Variants in RPS9 observed in about 807,000 individuals in gnomAD.
RPS9 encodes ribosomal protein S9.
RPS9 carries 1 observed loss-of-function variant against 16.9 expected under a neutral mutation model. The ratio of observed to expected loss-of-function variants is 0.06; its 90% CI spans 0.02 to 0.28. The LOEUF (loss-of-function observed/expected upper bound fraction) is 0.28, where lower values mean the gene tolerates loss of function less well. Among genes scored for constraint, RPS9 ranks in the 10% least tolerant of loss-of-function variants. The pLI is 1.00. For synonymous variants in RPS9, 106 were observed against 110.9 expected, an observed-to-expected ratio of 0.96 and a Z score of 0.28; for missense variants, 137 against 273.2, an observed-to-expected ratio of 0.50 and a Z score of 3.51.
chr19:54,205,495 T>A (rs184890229), intron 3 of RPS9, among the ~76,000 whole-genome samples: 85 of 152,150 alleles, frequency 5.6e-4, no homozygotes, highest in Middle Eastern at 6.8e-3. Context: ...AAATTACTTT[T>A]CTCTCCTTAA....
Position 54,202,920 on chromosome 19 carries a change from A to C in RPS9, c.220+1311A>C, listed in dbSNP as rs1008350102. ...GCAGTGTTGACCAGGATGGTTTCCA[A>C]CTCCTAACCTCAAGTGATCCATCCA... On this transcript the variant is annotated intron_variant, in intron 3 of 4. Transcript: ENST00000302907. 1.3e-5 allele frequency: 13 copies of C among 977,974 alleles called. No homozygotes were observed. In the African/African-American group the frequency reaches 2.1e-4, roughly 16 times the overall value. The allele number at this position is 977,974 out of a possible 1,614,324, so 60.6% of individuals were successfully genotyped here.
chr19:54,202,277 C>CAG, intron 3 of RPS9: 1 of 254,536 alleles, frequency 3.9e-6, no homozygotes, highest in Non-Finnish European at 6.2e-6. Flanking sequence ...ACTCCGCCTC[C>CAG]AGAGTTCAAG....
In RPS9 at chr19:54,200,893, G is replaced by C. The variant is rs537790095; in HGVS notation, c.-26+5G>C. ...GTGACCGGGTGGTTTGCTTAGGTGA[G>C]GTGCGGTGGTGTGCTTTTTCTCTAG... On this transcript the variant is annotated splice_donor_5th_base_variant and intron_variant, in intron 1 of 4. Transcript: ENST00000302907. 8 of 1,256,950 alleles carry C rather than the reference G, an allele frequency of 6.4e-6. No homozygotes were observed. In the Admixed American group the frequency reaches 1.2e-4, roughly 19 times the overall value. The allele number at this position is 1,256,950 out of a possible 1,614,324, so 77.9% of individuals were successfully genotyped here. A position where few individuals can be genotyped will look rare whatever the true frequency, so the allele number is the denominator to read the frequency against.
chr19:54,206,550 C>A, intron 4 of RPS9, 88 bp downstream of exon 4: 1 of 1,574,096 alleles, frequency 6.4e-7, no homozygotes. Context: ...ATCTCCTATG[C>A]AGCCCTCGGA....
intron 4 of RPS9, 129 bp downstream of exon 4, chr19:54,206,591 C>T (rs758961448): frequency 6.4e-6 from 10 of 1,552,988 alleles, no homozygotes; most frequent in Admixed American, 2.0e-5. Flanking sequence ...CCAGAGGGTA[C>T]AGATTCACCC....
At chr19:54,204,524 G>A (rs2077175804) in intron 3 of RPS9, among the ~76,000 whole-genome samples, 2 of 152,148 alleles carry the variant, frequency 1.3e-5, no homozygotes, top group Non-Finnish European at 2.9e-5. Flanking sequence ...CTCAGCTCTA[G>A]TAGCTGGGAC....
Position 54,207,566 on chromosome 19 carries a change from G to A in RPS9, c.576G>A (p.Glu192=). 6.2e-7 allele frequency: 1 copy of A among 1,609,482 alleles called. No homozygotes were observed. The highest frequency in any genetic ancestry group is 8.5e-7 in the Non-Finnish European group (1 of 1,178,482). ...QGGAGAGDDE[E]ED ...GGGCTGGGGCTGGAGACGACGAGGA[G>A]GAGGATTAAGTCCACCTGTCCCTCC... is the stretch of plus-strand genomic sequence containing the variant. Residue 192 remains glutamate (E), a synonymous_variant, in exon 5 of 5, where the codon GAG becomes GAA. Coordinates refer to ENST00000302907, the MANE Select transcript of RPS9 (RefSeq NM_001013.4).
intron 3 of RPS9, chr19:54,202,662 T>A: frequency 1.0e-6 from 1 of 985,470 alleles, no homozygotes; most frequent in Non-Finnish European, 1.2e-6. Flanking sequence ...CAGATTGGCA[T>A]GACCAAGATT....
intron 3 of RPS9, chr19:54,202,950 A>G (rs1200846390): frequency 8.3e-6 from 8 of 967,654 alleles, no homozygotes; most frequent in African/African-American, 3.5e-5. Flanking sequence ...CATCCACCTC[A>G]GCTTTCCAAA....
At chr19:54,201,659 T>C (rs1018404161) in intron 3 of RPS9, 50 bp downstream of exon 3, 2 of 1,607,322 alleles carry the variant, frequency 1.2e-6, no homozygotes, top group Admixed American at 1.7e-5. Context: ...GCTTGTGAGG[T>C]TCATTCTCCC....
rs987673847 is a variant in RPS9, at chr19:54,201,202, C to T, written c.18C>T (p.Ser6=). The change falls in exon 2 of 5, where the codon AGC becomes AGT. Residue 6 remains serine, a synonymous_variant. Transcript: ENST00000302907. MPVAR[S]WVCRKTYVTP... Reference sequence around the variant, plus strand: ...GAGCCAACATGCCAGTGGCCCGGAGCTGGGTTTGTCGCAAAACTTATGTGA... The same window carrying T: ...GAGCCAACATGCCAGTGGCCCGGAGTTGGGTTTGTCGCAAAACTTATGTGA... The T allele has an allele frequency of 1.2e-6, 2 of 1,609,150 alleles. No homozygotes were observed. Among genetic ancestry groups the T allele is most frequent in the Non-Finnish European group, 1.7e-6 (2 of 1,176,346 alleles).
chr19:54,205,409 A>T (rs10424181), intron 3 of RPS9, among the ~76,000 whole-genome samples: 3 of 150,912 alleles, frequency 2.0e-5, no homozygotes, highest in African/African-American at 7.3e-5. Flanking sequence ...CATACTAGAT[A>T]TATTTTTGGT....
chr19:54,204,154 C>T (rs1404168433), intron 3 of RPS9, among the ~76,000 whole-genome samples: 6 of 152,056 alleles, frequency 3.9e-5, no homozygotes, highest in East Asian at 1.9e-4. Flanking sequence ...CAGAGGCAGG[C>T]GGATCACCCG....
At chr19:54,202,083 G>C (rs975410238) in intron 3 of RPS9, 1 of 154,864 alleles carries the variant, frequency 6.5e-6, no homozygotes, top group Admixed American at 6.4e-5. Context: ...GTGCCGTGGC[G>C]CCATTTCGGC....
At chr19:54,201,357 CTCTA>C (rs2077043829) in intron 2 of RPS9, 76 bp downstream of exon 2, 3 of 1,611,262 alleles carry the variant, frequency 1.9e-6, no homozygotes, top group Admixed American at 1.7e-5. Flanking sequence ...TGCCCATGTA[CTCTA>C]TCTAGTCCGT....
intron 3 of RPS9, chr19:54,203,129 TTC>T (rs2077118495): frequency 2.1e-6 from 2 of 970,520 alleles, no homozygotes; most frequent in Non-Finnish European, 2.4e-6. Flanking sequence ...CTATAGCTGG[TTC>T]TGGTTTTAGG....
chr19:54,205,640 G>C (rs1024056611), intron 3 of RPS9, among the ~76,000 whole-genome samples: 2 of 152,174 alleles, frequency 1.3e-5, no homozygotes, highest in Middle Eastern at 6.8e-3. Flanking sequence ...CTTAATAGCA[G>C]CTGCATTTGG....
At chr19:54,206,703 A>G in intron 4 of RPS9, 2 of 1,514,308 alleles carry the variant, frequency 1.3e-6, no homozygotes, top group Non-Finnish European at 1.8e-6. Flanking sequence ...GGCCTCTGCC[A>G]GGCATGTGGG....
intron 4 of RPS9, 80 bp downstream of exon 4, chr19:54,206,542 C>T (rs1458468007): frequency 6.9e-6 from 11 of 1,585,568 alleles, no homozygotes; most frequent in East Asian, 2.3e-5. Context: ...CTGTCCCTAT[C>T]TCCTATGCAG....
Sources: gnomAD v4.1 joint callset for allele counts (sites outside exome capture counted in the v4.1 genomes callset) on GRCh38, gnomAD v4.1.1 for gene constraint, MANE v1.5 for transcripts, NCBI Gene and HGNC (gene_info 2026-07-23, HGNC 2026-07-21) for gene names.